The following ZNF420 variants were observed in gnomAD, a reference collection of about 807,000 sequenced individuals.
ZNF420 encodes the protein zinc finger protein 420, also known as ATM and p53-associated KZNF protein.
A neutral mutation model predicts 44.7 loss-of-function variants in ZNF420; 31 were observed. The ratio of observed to expected loss-of-function variants is 0.69; its 90% CI spans 0.52 to 0.94. The LOEUF (loss-of-function observed/expected upper bound fraction) is 0.94. Among genes scored for constraint, ZNF420 ranks in the 40% least tolerant of loss-of-function variants. ZNF420 has a pLI of 0.00. For missense variants in ZNF420, 681 were observed against 827.9 expected (o/e 0.82, Z 2.18); for synonymous variants, 245 against 267.4 (o/e 0.92, Z 0.82).
At chr19:37,077,157 T>A (rs965506697), upstream of ZNF420, among the ~76,000 whole-genome samples, 4 of 152,206 alleles carry the variant, frequency 2.6e-5, no homozygotes, top group African/African-American at 9.6e-5. Context: ...GGTCTTGAAG[T>A]AAGTAAAAAT....
intron 1 of ZNF420, among the ~76,000 whole-genome samples, chr19:37,061,704 A>T (rs1024544504): frequency 8.5e-5 from 13 of 152,358 alleles, no homozygotes; most frequent in South Asian, 2.1e-4. Context: ...AAAACCAATT[A>T]AAAAAACTTA....
chr19:37,018,699 C>G (rs1444044990), intron 1 of ZNF420, among the ~76,000 whole-genome samples: 3 of 152,166 alleles, frequency 2.0e-5, no homozygotes, highest in African/African-American at 7.2e-5. Flanking sequence ...TCCTGAGTAG[C>G]TGGGATTATA....
chr19:37,071,804 A>AAAAT (rs3051686), intron 1 of ZNF420, among the ~76,000 whole-genome samples: 76,083 of 151,496 alleles, frequency 0.5, 19,739 homozygotes, highest in African/African-American at 0.58. Context: ...CCATCTCAAA[A>AAAAT]AAATAAATAT....
At chr19:37,039,134 G>A (rs1967410110) in intron 1 of ZNF420, among the ~76,000 whole-genome samples, 1 of 152,188 alleles carries the variant, frequency 6.6e-6, no homozygotes. Context: ...AGTCATTTAT[G>A]AGGGTTGGAA....
chr19:37,084,465 T>G (rs1968646875), intron 2 of ZNF420, among the ~76,000 whole-genome samples: 1 of 152,306 alleles, frequency 6.6e-6, no homozygotes, highest in South Asian at 2.1e-4. Context: ...ATGTCTGTCT[T>G]CCTAGAAGCT....
chr19:37,023,926 C>T (rs762267606), intron 1 of ZNF420, among the ~76,000 whole-genome samples: 52 of 152,238 alleles, frequency 3.4e-4, no homozygotes, highest in Non-Finnish European at 6.0e-4. Context: ...GGTCCCTCCT[C>T]TTGGCCAAGG....
Position 37,128,452 on chromosome 19 carries a change from T to C in ZNF420, c.1461T>C (p.Gly487=), listed in dbSNP as rs1337921577. Residue 487 remains glycine, a synonymous_variant, in exon 5 of 5, where the codon GGT becomes GGC. Transcript: ENST00000337995. ...AATGTGGGAAATCTTTTATTCGTGGTTCCCAGCTTACTCAACATCAGAGAA... is the reference window on the plus strand; with the variant it reads ...AATGTGGGAAATCTTTTATTCGTGGCTCCCAGCTTACTCAACATCAGAGAA... The part of the protein sequence containing the change: ...CKECGKSFIR[G]SQLTQHQRIH... 1 of 1,613,696 alleles carries C rather than the reference T, an allele frequency of 6.2e-7. No homozygotes were observed. Among genetic ancestry groups the C allele is most frequent in the Non-Finnish European group, 8.5e-7 (1 of 1,179,886 alleles).
At chr19:37,108,458 G>C (rs926328296) in intron 4 of ZNF420, 1 of 152,078 alleles carries the variant, frequency 6.6e-6, no homozygotes, top group Admixed American at 6.5e-5. Context: ...TTGGGAGTCT[G>C]GTTTAATAAC....
chr19:37,084,908 A>T (rs1026097576), intron 2 of ZNF420, among the ~76,000 whole-genome samples: 8 of 152,082 alleles, frequency 5.3e-5, no homozygotes, highest in African/African-American at 1.9e-4. Context: ...GGGTTTGTAA[A>T]CTGTATTAAT....
At chr19:37,127,099 C>T (rs1298023518) in intron 4 of ZNF420, 29 bp from the exon 5 acceptor site, 3 of 1,439,592 alleles carry the variant, frequency 2.1e-6, no homozygotes, top group African/African-American at 1.4e-5. Context: ...TTATATTTCT[C>T]AATTTTTTTA....
chr19:37,089,387 C>G (rs1969007917), intron 3 of ZNF420, among the ~76,000 whole-genome samples: 1 of 152,078 alleles, frequency 6.6e-6, no homozygotes, highest in South Asian at 2.1e-4. Flanking sequence ...AAGTAGAGTT[C>G]CCTGATTTCA....
At chr19:37,077,123 T>C (rs1568438908), upstream of ZNF420, among the ~76,000 whole-genome samples, 1 of 152,218 alleles carries the variant, frequency 6.6e-6, no homozygotes, top group Non-Finnish European at 1.5e-5. Context: ...TTTTTGATTA[T>C]TCAAAAATCA....
intron 1 of ZNF420, among the ~76,000 whole-genome samples, chr19:37,037,158 C>T (rs922190598): frequency 6.6e-6 from 1 of 152,190 alleles, no homozygotes; most frequent in Non-Finnish European, 1.5e-5. Flanking sequence ...GCAGTTTGCG[C>T]TTTGAAATAA....
At chr19:37,032,667 T>A (rs1410886773) in intron 1 of ZNF420, among the ~76,000 whole-genome samples, 1 of 151,388 alleles carries the variant, frequency 6.6e-6, no homozygotes, top group East Asian at 1.9e-4. Flanking sequence ...TTGCCAGGAG[T>A]GGTGGCACGT....
At chr19:37,024,747 G>C (rs1250052702) in intron 1 of ZNF420, 1 of 152,122 alleles carries the variant, frequency 6.6e-6, no homozygotes, top group African/African-American at 2.4e-5. Flanking sequence ...ACCACGCCTG[G>C]CCTTAATTTT....
chr19:37,045,077 T>C (rs1306784150), intron 1 of ZNF420, among the ~76,000 whole-genome samples: 2 of 152,214 alleles, frequency 1.3e-5, no homozygotes, highest in Admixed American at 1.3e-4. Flanking sequence ...ACAATAACCT[T>C]GTAGGTTTCT....
intron 1 of ZNF420, among the ~76,000 whole-genome samples, chr19:37,047,778 G>A (rs777094855): frequency 3.3e-5 from 5 of 152,146 alleles, no homozygotes; most frequent in Non-Finnish European, 5.9e-5. Context: ...CTGCAGCAAC[G>A]TAAGTATTAA....
At chr19:37,019,502 T>C (rs1248732443) in intron 1 of ZNF420, among the ~76,000 whole-genome samples, 1 of 151,992 alleles carries the variant, frequency 6.6e-6, no homozygotes, top group African/African-American at 2.4e-5. Flanking sequence ...AGGCCAGGCG[T>C]GGTGGCTCAA....
intron 3 of ZNF420, among the ~76,000 whole-genome samples, chr19:37,090,687 C>T (rs1969082646): frequency 6.6e-6 from 1 of 151,922 alleles, no homozygotes; most frequent in East Asian, 1.9e-4. Context: ...TTTGGGAGGC[C>T]TAGTCGGGTG....
Sources: gnomAD v4.1 joint callset for allele counts (sites outside exome capture counted in the v4.1 genomes callset) on GRCh38, gnomAD v4.1.1 for gene constraint, MANE v1.5 for transcripts, NCBI Gene and HGNC (gene_info 2026-07-23, HGNC 2026-07-21) for gene names.